The following PCDH15 variants were observed in gnomAD, a reference collection of about 807,000 sequenced individuals.
PCDH15 encodes the protein protocadherin-15.
PCDH15 carries 129 observed loss-of-function variants against 178.5 expected under a neutral mutation model. The ratio of observed to expected loss-of-function variants is 0.72; its 90% CI spans 0.63 to 0.84. The LOEUF is 0.84. Ranked by LOEUF, PCDH15 falls within the 40% of genes least tolerant of loss-of-function variation. PCDH15 has a pLI of 0.00. For synonymous variants in PCDH15, 800 were observed against 732.0 expected (o/e 1.09, Z -1.50); for missense variants, 2,230 against 2,099.9 (o/e 1.06, Z -1.21).
At chr10:54,406,628 T>A (rs1207228473) in intron 3 of PCDH15, among the ~76,000 whole-genome samples, 1 of 152,122 alleles carries the variant, frequency 6.6e-6, no homozygotes, top group Non-Finnish European at 1.5e-5. Context: ...CAGTAGCCTT[T>A]CCACTAACAC....
In PCDH15 at chr10:54,833,139, A is replaced by T. The variant is rs117093822; in HGVS notation, c.-29+64311T>A. 5.4e-3 allele frequency among the ~76,000 whole-genome samples: 820 copies of T among 152,284 alleles called. 5 individuals carry two copies. Among genetic ancestry groups the T allele is most frequent in the Admixed American group, 7.8e-3 (119 of 15,284 alleles). ...ATTTGATTCACCTAACAATACCATG[A>T]TGCATTTATCATTGGTCATGTGTTA... On this transcript the variant is annotated intron_variant, in intron 3 of 5. Transcript: ENST00000458638.
At chr10:53,917,904 G>T (rs2083660569) in intron 25 of PCDH15, among the ~76,000 whole-genome samples, 1 of 151,908 alleles carries the variant, frequency 6.6e-6, no homozygotes, top group African/African-American at 2.4e-5. Flanking sequence ...AAAGTGTGTG[G>T]CACCTCCCCC....
chr10:54,939,329 C>T (rs1422574134), intron 2 of PCDH15, among the ~76,000 whole-genome samples: 1 of 149,746 alleles, frequency 6.7e-6, no homozygotes, highest in African/African-American at 2.5e-5. Flanking sequence ...CTCGTCTCTA[C>T]TAAAAAAAAC....
intron 2 of PCDH15, among the ~76,000 whole-genome samples, chr10:55,524,951 A>G (rs1236616837): frequency 6.6e-6 from 1 of 151,842 alleles, no homozygotes; most frequent in Non-Finnish European, 1.5e-5. Context: ...AAGTTTAATT[A>G]CTGACTTCCA....
chr10:54,955,754 A>G (rs1425655992), intron 2 of PCDH15, among the ~76,000 whole-genome samples: 1 of 151,318 alleles, frequency 6.6e-6, no homozygotes, highest in African/African-American at 2.4e-5. Context: ...CTACACCTGT[A>G]ACCTTGGCAG....
intron 3 of PCDH15, among the ~76,000 whole-genome samples, chr10:54,392,265 G>A (rs568013297): frequency 3.6e-5 from 5 of 138,538 alleles, no homozygotes; most frequent in South Asian, 2.5e-4. Context: ...AGGAGTTCAA[G>A]GTCAGTCTGG....
At chr10:53,819,988 CAATTT>C (rs1034485176) in intron 33 of PCDH15, among the ~76,000 whole-genome samples, 172 bp downstream of exon 33, 1 of 151,862 alleles carries the variant, frequency 6.6e-6, no homozygotes, top group African/African-American at 2.4e-5. Context: ...GGCAATATAA[CAATTT>C]AATAGGGCTG....
chr10:54,954,236 C>T (rs1348461000), intron 2 of PCDH15, among the ~76,000 whole-genome samples: 1 of 151,242 alleles, frequency 6.6e-6, no homozygotes, highest in African/African-American at 2.4e-5. Context: ...TTTAGCTTAA[C>T]TTATCAGTTT....
At chr10:55,280,301 G>T (rs1454935565) in intron 1 of PCDH15, among the ~76,000 whole-genome samples, 6 of 124,384 alleles carry the variant, frequency 4.8e-5, no homozygotes, top group Admixed American at 3.5e-4. Flanking sequence ...TTTTTGAGAC[G>T]GTGTTTTGCT....
intron 27 of PCDH15, among the ~76,000 whole-genome samples, chr10:53,864,426 C>T (rs551447609): frequency 6.6e-6 from 1 of 152,294 alleles, no homozygotes; most frequent in South Asian, 2.1e-4. Flanking sequence ...TCCCCCTTCC[C>T]CCATGTCTCA....
intron 1 of PCDH15, among the ~76,000 whole-genome samples, chr10:54,708,413 AAT>A (rs747994288): frequency 2.2e-4 from 33 of 152,232 alleles, no homozygotes; most frequent in Non-Finnish European, 4.1e-4. Flanking sequence ...TACAGAGTTG[AAT>A]ATTTTTTATC....
intron 2 of PCDH15, among the ~76,000 whole-genome samples, chr10:55,391,474 G>T (rs533105590): frequency 6.6e-6 from 1 of 151,142 alleles, no homozygotes; most frequent in Non-Finnish European, 1.5e-5. Flanking sequence ...ATTCACTAAA[G>T]TAGCAATTTG....
At position 53,823,081 on chromosome 10, in the gene PCDH15, C is replaced by CA. The variant is rs1564538809; in HGVS notation, c.4368-2852dup. The CA allele has an allele frequency of 2.5e-6, 4 of 1,614,006 alleles. No individual in the cohort carries two copies. The highest frequency in any genetic ancestry group is 2.5e-6 in the Non-Finnish European group (3 of 1,179,924). ...TGTATTTTGGGTGAAAATGGGTCTACAAAATCTGTTCTCTGTGAAATGTCT... is the reference window on the plus strand; with the variant it reads ...TGTATTTTGGGTGAAAATGGGTCTACAAAAATCTGTTCTCTGTGAAATGTCT... On this transcript the variant is annotated intron_variant, in intron 32 of 37. Transcript: ENST00000644397.
chr10:55,573,670 G>T (rs1241907049), intron 2 of PCDH15, among the ~76,000 whole-genome samples: 1 of 152,004 alleles, frequency 6.6e-6, no homozygotes, highest in African/African-American at 2.4e-5. Flanking sequence ...ATAATTTTCA[G>T]ATTCAATATC....
At chr10:54,112,016 G>A (rs887904983) in intron 15 of PCDH15, among the ~76,000 whole-genome samples, 29 of 150,626 alleles carry the variant, frequency 1.9e-4, no homozygotes, top group East Asian at 3.9e-4. Context: ...GGTGGTGGGC[G>A]CCTGTAATCC....
chr10:54,456,570 T>A (rs1372928541), intron 3 of PCDH15, among the ~76,000 whole-genome samples: 1 of 152,222 alleles, frequency 6.6e-6, no homozygotes. Flanking sequence ...GATGAGACTT[T>A]GGACTTGAAC....
At chr10:55,211,880 A>C (rs148458481) in intron 1 of PCDH15, among the ~76,000 whole-genome samples, 1,634 of 152,246 alleles carry the variant, frequency 0.011, 31 homozygotes, top group Admixed American at 0.051. Context: ...ATTTATGCAG[A>C]TATTGAAGGT....
intron 2 of PCDH15, among the ~76,000 whole-genome samples, chr10:55,627,387 A>G (rs1337830150): frequency 6.6e-6 from 1 of 152,106 alleles, no homozygotes; most frequent in African/African-American, 2.4e-5. Flanking sequence ...CTTCCCCGAG[A>G]AGCTCACATT....
chr10:53,841,798 G>A (rs1477156244), intron 28 of PCDH15, among the ~76,000 whole-genome samples: 5 of 152,062 alleles, frequency 3.3e-5, no homozygotes, highest in Non-Finnish European at 5.9e-5. Flanking sequence ...AGGAGGAGGA[G>A]CAAATTCACT....
Sources: allele counts gnomAD v4.1 joint callset (sites outside exome capture counted in the v4.1 genomes callset), GRCh38; gene constraint gnomAD v4.1.1; transcripts MANE v1.5; gene names NCBI Gene and HGNC (gene_info 2026-07-23, HGNC 2026-07-21).